IGF1R: variants seen among roughly 807,000 people sequenced by gnomAD.
The protein encoded by IGF1R is insulin-like growth factor 1 receptor.
IGF1R carries 44 observed loss-of-function variants against 144.6 expected under a neutral mutation model. The ratio of observed to expected loss-of-function variants is 0.30; its 90% CI spans 0.24 to 0.39. The LOEUF (loss-of-function observed/expected upper bound fraction) is 0.39, where lower values mean the gene tolerates loss of function less well. Among genes scored for constraint, IGF1R ranks in the 10% least tolerant of loss-of-function variants. The pLI, the probability that IGF1R is intolerant of heterozygous loss-of-function variation, is 1.00. For synonymous variants in IGF1R, 795 were observed against 722.8 expected, an observed-to-expected ratio of 1.10 and a Z score of -1.60; for missense variants, 1,355 against 1,833.7, an observed-to-expected ratio of 0.74 and a Z score of 4.77.
chr15:98,710,965 C>T (rs7166890), intron 2 of IGF1R, among the ~76,000 whole-genome samples: 40,351 of 151,954 alleles, frequency 0.27, 5,985 homozygotes, highest in South Asian at 0.35. Flanking sequence ...CCACCATGCC[C>T]GACTCTTTTT....
intron 2 of IGF1R, among the ~76,000 whole-genome samples, chr15:98,876,299 A>C (rs2013055065): frequency 6.8e-6 from 1 of 146,836 alleles, no homozygotes; most frequent in African/African-American, 2.5e-5. Context: ...ACAAAAAAAG[A>C]AAACTATTAA....
chr15:98,759,788 G>A (rs578212802), intron 2 of IGF1R, among the ~76,000 whole-genome samples: 8 of 152,324 alleles, frequency 5.3e-5, no homozygotes, highest in African/African-American at 1.7e-4. Flanking sequence ...AAGGTAAAGT[G>A]CCCGAACCTG....
intron 13 of IGF1R, among the ~76,000 whole-genome samples, 198 bp downstream of exon 13, chr15:98,924,882 G>A (rs541067932): frequency 7.3e-4 from 111 of 152,302 alleles, no homozygotes; most frequent in African/African-American, 2.5e-3. Flanking sequence ...CGAGCTTTGG[G>A]CTCCTACCTC....
At chr15:98,675,826 C>CTTTCTTTT (rs1442608280) in intron 1 of IGF1R, among the ~76,000 whole-genome samples, 2 of 46,146 alleles carry the variant, frequency 4.3e-5, no homozygotes, top group African/African-American at 9.6e-5. Flanking sequence ...TTCTTTCTTT[C>CTTTCTTTT]TTTTTTTTTT....
rs374550195 is a variant in IGF1R at position 98,817,132 on chromosome 15, G to A, written c.641-74193G>A. ...AGCCTGGCCAACATGGTGAAACCCCGTCTCTACTAAAAATACAAAATTAGC... is the reference window on the plus strand; with the variant it reads ...AGCCTGGCCAACATGGTGAAACCCCATCTCTACTAAAAATACAAAATTAGC... On this transcript the variant is annotated intron_variant, in intron 2 of 20. Transcript: ENST00000650285. Among the ~76,000 whole-genome samples the A allele has an allele frequency of 1.1e-4, 17 of 151,950 alleles. No individual in the cohort carries two copies. The East Asian group carries it at 1.4e-3, about 12-fold the overall frequency.
intron 2 of IGF1R, among the ~76,000 whole-genome samples, chr15:98,736,374 G>T (rs79020312): frequency 0.037 from 5,580 of 152,252 alleles, 114 homozygotes; most frequent in East Asian, 0.052. Context: ...AAAACCCAGT[G>T]GCTTCTTTTA....
chr15:98,756,809 TTTG>T (rs1340063884), intron 2 of IGF1R, among the ~76,000 whole-genome samples: 1 of 152,214 alleles, frequency 6.6e-6, no homozygotes, highest in Non-Finnish European at 1.5e-5. Context: ...TGATCTCCTT[TTTG>T]TTGTTTTCTA....
At chr15:98,674,481 C>T (rs894715456) in intron 1 of IGF1R, among the ~76,000 whole-genome samples, 2 of 152,102 alleles carry the variant, frequency 1.3e-5, no homozygotes, top group Non-Finnish European at 1.5e-5. Flanking sequence ...GTCTACAGAG[C>T]GCGTTCAGAG....
chr15:98,786,645 CTT>C (rs1293043486), intron 2 of IGF1R, among the ~76,000 whole-genome samples: 2 of 152,158 alleles, frequency 1.3e-5, no homozygotes, highest in Non-Finnish European at 2.9e-5. Flanking sequence ...AAACCACTGT[CTT>C]TTTTTGTTGT....
chr15:98,672,706 A>T (rs2052927966), intron 1 of IGF1R, among the ~76,000 whole-genome samples: 1 of 152,144 alleles, frequency 6.6e-6, no homozygotes, highest in Admixed American at 6.5e-5. Flanking sequence ...AAACCTTTCC[A>T]GCTTTATAGG....
intron 3 of IGF1R, among the ~76,000 whole-genome samples, chr15:98,893,954 A>G (rs952169744): frequency 6.6e-6 from 1 of 152,228 alleles, no homozygotes; most frequent in African/African-American, 2.4e-5. Context: ...TCTCTATACC[A>G]TAGTGGATTT....
In IGF1R at chr15:98,904,145, G is replaced by A. The variant is rs137939057; in HGVS notation, c.1247+4524G>A. On this transcript the variant is annotated intron_variant, in intron 5 of 20. Transcript: ENST00000650285. ...TCGGATCACTGCAAGCTCCGCCTCC[G>A]GGTTCACACCATTCCCCTGCCTCAG... 8.2e-3 allele frequency among the ~76,000 whole-genome samples: 1,240 copies of A among 150,622 alleles called. 13 individuals are homozygous for A. The highest frequency in any genetic ancestry group is 0.029 in the African/African-American group (1,192 of 41,026).
chr15:98,715,128 C>T (rs1414585960), intron 2 of IGF1R, among the ~76,000 whole-genome samples: 1 of 152,214 alleles, frequency 6.6e-6, no homozygotes, highest in Non-Finnish European at 1.5e-5. Flanking sequence ...GCCCCCAGGC[C>T]TCATTGCTAT....
At chr15:98,910,903 CA>C (rs2014982217) in intron 6 of IGF1R, among the ~76,000 whole-genome samples, 2 of 152,242 alleles carry the variant, frequency 1.3e-5, no homozygotes, top group South Asian at 4.1e-4. Flanking sequence ...AACTGCAGAA[CA>C]AGTGTCATCG....
At chr15:98,847,052 C>T (rs2011356191) in intron 2 of IGF1R, among the ~76,000 whole-genome samples, 1 of 152,214 alleles carries the variant, frequency 6.6e-6, no homozygotes, top group Non-Finnish European at 1.5e-5. Flanking sequence ...TCTCGGCTCA[C>T]TGCAACCTCT....
chr15:98,730,319 GT>G (rs1242216841), intron 2 of IGF1R, among the ~76,000 whole-genome samples: 1 of 151,982 alleles, frequency 6.6e-6, no homozygotes, highest in Non-Finnish European at 1.5e-5. Flanking sequence ...TAAAATAAGT[GT>G]TTTGAAATCA....
At chr15:98,685,005 TG>T (rs1198902906) in intron 1 of IGF1R, among the ~76,000 whole-genome samples, 1 of 149,210 alleles carries the variant, frequency 6.7e-6, no homozygotes, top group Non-Finnish European at 1.5e-5. Context: ...TGCAGTGGCA[TG>T]GTCATGGCTT....
chr15:98,960,071 C>T lies in IGF1R; in HGVS notation c.*2629C>T, dbSNP rs1275869957. 1 of 233,368 alleles carries T rather than the reference C, an allele frequency of 4.3e-6. No individual in the cohort carries two copies. Among genetic ancestry groups the T allele is most frequent in the African/African-American group, 2.2e-5 (1 of 45,286 alleles). 14.5% of individuals were successfully genotyped at this position (233,368 alleles called of 1,614,324 possible). A position where few individuals can be genotyped will look rare whatever the true frequency, so the allele number is the denominator to read the frequency against. ...CCCCCAAACATTTATCTACCTCACT[C>T]TTATTTTTTATATGTGTATATAGAC... On this transcript the variant is annotated 3_prime_UTR_variant, in exon 21 of 21. Coordinates refer to ENST00000650285, the MANE Select transcript of IGF1R (RefSeq NM_000875.5).
chr15:98,896,919 C>T lies in IGF1R; in HGVS notation c.1102+14C>T, dbSNP rs943200844. ...TCCGACGGGGGAGTAAGTATTCCAT[C>T]CCCCTGGAAAAACGGCTAGATCTCA... On this transcript the variant is annotated intron_variant, in intron 4 of 20. Transcript: ENST00000650285. 1.2e-6 allele frequency: 2 copies of T among 1,613,298 alleles called. No homozygotes were observed. The highest frequency in any genetic ancestry group is 1.7e-6 in the Non-Finnish European group (2 of 1,179,662).
Sources: allele counts gnomAD v4.1 joint callset (sites outside exome capture counted in the v4.1 genomes callset), GRCh38; gene constraint gnomAD v4.1.1; transcripts MANE v1.5; gene names NCBI Gene and HGNC (gene_info 2026-07-23, HGNC 2026-07-21).